Variants in AHNAK observed in about 807,000 individuals in gnomAD.
AHNAK encodes the protein AHNAK nucleoprotein.
Under a neutral mutation model 37.8 loss-of-function variants are expected in AHNAK, and 23 were observed. The observed-to-expected ratio is 0.61, with a 90% CI of 0.44 to 0.86. The LOEUF is 0.86. Ranked by LOEUF, AHNAK falls within the 40% of genes least tolerant of loss-of-function variation. AHNAK has a pLI of 0.00. For missense variants in AHNAK, 7,411 were observed against 7,319.4 expected (o/e 1.01, Z -0.46); for synonymous variants, 2,481 against 2,636.3 (o/e 0.94, Z 1.80).
In AHNAK at chr11:62,523,357, C is replaced by A; in HGVS notation, c.11060G>T (p.Gly3687Val). Residue 3687 changes from glycine (G) to valine (V), a missense_variant, in exon 5 of 5, where the codon GGT becomes GTT. Gly to Val is a moderately radical substitution (Grantham distance 109, BLOSUM62 -3). Coordinates refer to ENST00000378024, the MANE Select transcript of AHNAK (RefSeq NM_001620.3). Reference protein sequence around the residue: ...DLNLKGPKMKGDVVVSLPKVE... With the variant: ...DLNLKGPKMKVDVVVSLPKVE... ...TTTGGGCAAAGACACAACCACATCA[C>A]CCTTCATTTTGGGTCCCTTCAAGTT... The A allele has an allele frequency of 6.2e-7, 1 of 1,612,674 alleles. No homozygotes were observed. The highest frequency in any genetic ancestry group is 8.5e-7 in the Non-Finnish European group (1 of 1,179,502).
chr11:62,487,776 G>A (rs1423937618), intron 5 of AHNAK, among the ~76,000 whole-genome samples: 4 of 152,258 alleles, frequency 2.6e-5, no homozygotes, highest in South Asian at 2.1e-4. Flanking sequence ...ATGTTCAAAC[G>A]GGTTTTTTGA....
chr11:62,475,602 CTTTTTTTTTT>C (rs55773953), intron 5 of AHNAK, among the ~76,000 whole-genome samples: 1 of 118,042 alleles, frequency 8.5e-6, no homozygotes, highest in Non-Finnish European at 1.6e-5. Flanking sequence ...TTATGTTATA[CTTTTTTTTTT>C]TTTTTTTTTT....
At chr11:62,438,198 TC>T (rs60297066) in intron 5 of AHNAK, among the ~76,000 whole-genome samples, 44,838 of 140,798 alleles carry the variant, frequency 0.32, 8,657 homozygotes, top group East Asian at 0.64. Context: ...TTTTTTTTTT[TC>T]CTGAGACTGA....
intron 5 of AHNAK, among the ~76,000 whole-genome samples, chr11:62,488,959 G>T (rs755603885): frequency 6.6e-6 from 1 of 151,910 alleles, no homozygotes; most frequent in African/African-American, 2.4e-5. Context: ...ACACAGGAGC[G>T]GCCCAGCGCG....
In AHNAK at chr11:62,489,017, G is replaced by T. The variant is rs189896936; in HGVS notation, c.442+2715C>A. On this transcript the variant is annotated intron_variant, in intron 5 of 5. Coordinates refer to the AHNAK transcript ENST00000257247. Reference sequence around the variant, plus strand: ...GCACTTTGGGAGGCCCAGGCGGGTGGATCACAAGGTCAGGAGTTCAAGACC... The same window carrying T: ...GCACTTTGGGAGGCCCAGGCGGGTGTATCACAAGGTCAGGAGTTCAAGACC... Among the ~76,000 whole-genome samples, 311 of 152,144 alleles carry T rather than the reference G, an allele frequency of 2.0e-3. 2 individuals carry two copies. Among genetic ancestry groups the T allele is most frequent in the African/African-American group, 7.2e-3 (301 of 41,524 alleles).
chr11:62,530,177 A>C lies in AHNAK; in HGVS notation c.4240T>G (p.Ser1414Ala). Residue 1414 changes from serine to alanine, a missense_variant, in exon 5 of 5, where the codon TCA (serine) becomes GCA (alanine). Coordinates refer to ENST00000378024, the MANE Select transcript of AHNAK (RefSeq NM_001620.3). The part of the protein sequence containing the change: ...VKLPKADVDV[S>A]GPKMDAEVPD... ...ACTTCAGCATCCATTTTGGGTCCTG[A>C]GACATCAACGTCAGCTTTGGGCAGC... 6.2e-7 allele frequency: 1 copy of C among 1,613,468 alleles called. No individual in the cohort carries two copies. The highest frequency in any genetic ancestry group is 8.5e-7 in the Non-Finnish European group (1 of 1,179,938).
chr11:62,438,072 C>A (rs144828042), intron 5 of AHNAK, among the ~76,000 whole-genome samples: 7 of 152,124 alleles, frequency 4.6e-5, no homozygotes, highest in African/African-American at 1.7e-4. Context: ...AATTTCCCAG[C>A]GCATTTGCAT....
rs552924591 is a variant in AHNAK, at chr11:62,435,818, G to T, written c.443-1927C>A. Among the ~76,000 whole-genome samples the T allele has an allele frequency of 5.3e-5, 8 of 152,284 alleles. No individual in the cohort carries two copies. In the East Asian group the frequency reaches 1.5e-3, roughly 29 times the overall value. The stretch of plus-strand genomic sequence containing the variant: ...CTGCCTTGACCTCCCAAAGTGCTGG[G>T]ATTGCAGGCTGGCCGCACCCAGCCA... On this transcript the variant is annotated intron_variant, in intron 5 of 5. Transcript: ENST00000257247.
exon 6 of AHNAK, chr11:62,433,780 T>G: frequency 6.6e-7 from 1 of 1,519,774 alleles, no homozygotes; most frequent in Non-Finnish European, 9.1e-7. Context: ...AGGTGTTTGT[T>G]GCCCTTGGCA....
At chr11:62,444,334 G>T (rs1938378625) in intron 5 of AHNAK, among the ~76,000 whole-genome samples, 1 of 152,226 alleles carries the variant, frequency 6.6e-6, no homozygotes, top group Non-Finnish European at 1.5e-5. Context: ...TGAGTGCCCG[G>T]CCTCTGCCAC....
At chr11:62,449,034 C>G (rs1938477987) in intron 5 of AHNAK, among the ~76,000 whole-genome samples, 1 of 152,078 alleles carries the variant, frequency 6.6e-6, no homozygotes, top group African/African-American at 2.4e-5. Context: ...CGCCACTGCA[C>G]TCCAGCCTGG....
chr11:62,499,340 G>A (rs1334238284), intron 4 of AHNAK, among the ~76,000 whole-genome samples: 2 of 152,122 alleles, frequency 1.3e-5, no homozygotes, highest in African/African-American at 4.8e-5. Flanking sequence ...CCTGAGGTCG[G>A]GAGTTCGAGA....
intron 5 of AHNAK, among the ~76,000 whole-genome samples, chr11:62,484,115 A>T (rs1031925792): frequency 6.6e-6 from 1 of 151,440 alleles, no homozygotes; most frequent in Non-Finnish European, 1.5e-5. Context: ...AATGGCTCAC[A>T]CCCATAATCC....
In AHNAK at chr11:62,536,150, G is replaced by A. The variant is rs566547471; in HGVS notation, c.1-52C>T. The A allele has an allele frequency of 4.7e-6, 7 of 1,499,410 alleles. No individual in the cohort carries two copies. The Admixed American group carries it at 8.6e-5, about 19-fold the overall frequency. 92.9% of individuals were successfully genotyped at this position (1,499,410 alleles called of 1,614,324 possible). A position where few individuals can be genotyped will look rare whatever the true frequency, so the allele number is the denominator to read the frequency against. ...GGGGTCAGTGGGGGTGGGAGGACATGAGGGCATGGGAAAGCTAGCAATCTC... is the reference window on the plus strand; with the variant it reads ...GGGGTCAGTGGGGGTGGGAGGACATAAGGGCATGGGAAAGCTAGCAATCTC... On this transcript the variant is annotated intron_variant, in intron 2 of 4. Transcript: ENST00000378024.
chr11:62,522,674 C>T lies in AHNAK; in HGVS notation c.11743G>A (p.Asp3915Asn), dbSNP rs1202972883. 1 of 1,612,188 alleles carries T rather than the reference C, an allele frequency of 6.2e-7. No individual in the cohort carries two copies. Among genetic ancestry groups the T allele is most frequent in the East Asian group, 2.2e-5 (1 of 44,772 alleles). ...PDLDIKGPKV[D>N]INAPDVDVRG... ...ACATCCACATCTGGGGCATTAATATCCACTTTGGGGCCTTTAATATCCAAG... is the reference window on the plus strand; with the variant it reads ...ACATCCACATCTGGGGCATTAATATTCACTTTGGGGCCTTTAATATCCAAG... Residue 3915 changes from aspartate (D) to asparagine (N), a missense_variant, in exon 5 of 5, where the codon GAT becomes AAT. Coordinates refer to ENST00000378024, the MANE Select transcript of AHNAK (RefSeq NM_001620.3).
intron 5 of AHNAK, among the ~76,000 whole-genome samples, chr11:62,442,196 T>C (rs545869809): frequency 3.9e-5 from 6 of 152,350 alleles, no homozygotes; most frequent in Admixed American, 3.9e-4. Flanking sequence ...CTGGGTTTCA[T>C]TTACAGTAGT....
At chr11:62,462,219 C>T (rs541909865) in intron 5 of AHNAK, among the ~76,000 whole-genome samples, 1 of 151,726 alleles carries the variant, frequency 6.6e-6, no homozygotes, top group South Asian at 2.1e-4. Flanking sequence ...CCAACGCCCA[C>T]CCTCCACCCG....
At chr11:62,452,596 A>G (rs1323143310) in intron 5 of AHNAK, among the ~76,000 whole-genome samples, 1 of 152,138 alleles carries the variant, frequency 6.6e-6, no homozygotes, top group Non-Finnish European at 1.5e-5. Flanking sequence ...CCATATTTTT[A>G]TCTTGGCCTT....
intron 4 of AHNAK, among the ~76,000 whole-genome samples, chr11:62,493,765 C>T (rs1000779877): frequency 1.3e-5 from 2 of 151,990 alleles, no homozygotes; most frequent in Non-Finnish European, 2.9e-5. Flanking sequence ...CCCACCTGGC[C>T]GGGCCAAATG....
Sources: gnomAD v4.1 joint callset for allele counts (sites outside exome capture counted in the v4.1 genomes callset) on GRCh38, gnomAD v4.1.1 for gene constraint, MANE v1.5 for transcripts, NCBI Gene and HGNC (gene_info 2026-07-23, HGNC 2026-07-21) for gene names.